TNIP3: variants seen among roughly 807,000 people sequenced by gnomAD.
TNIP3 encodes the protein TNFAIP3 interacting protein 3.
In TNIP3, 34 loss-of-function variants were observed where a neutral mutation model predicts 54.1. The observed-to-expected ratio is 0.63, with a 90% confidence interval of 0.48 to 0.84. The LOEUF is 0.84. Among genes scored for constraint, TNIP3 ranks in the 40% least tolerant of loss-of-function variants. The probability of loss-of-function intolerance (pLI) is 0.00; values close to 1 mark genes in which losing one functional copy is unlikely to be tolerated. For synonymous variants in TNIP3, 134 were observed against 136.8 expected, an observed-to-expected ratio of 0.98 and a Z score of 0.14; for missense variants, 366 against 387.6, an observed-to-expected ratio of 0.94 and a Z score of 0.47.
intron 1 of TNIP3, among the ~76,000 whole-genome samples, chr4:121,225,857 C>T (rs116228964): frequency 9.5e-4 from 145 of 152,174 alleles, no homozygotes; most frequent in African/African-American, 3.3e-3. Context: ...GGGAACTTTG[C>T]CTGTCTCTTC....
intron 5 of TNIP3, among the ~76,000 whole-genome samples, chr4:121,151,045 G>A (rs1729719841): frequency 6.6e-6 from 1 of 152,102 alleles, no homozygotes; most frequent in Admixed American, 6.5e-5. Flanking sequence ...CATTATGTTT[G>A]GTAATATCAT....
At position 121,144,451 on chromosome 4, in the gene TNIP3, G is replaced by T. The variant is rs150954110; in HGVS notation, c.736-1675C>A. 3.8e-3 allele frequency among the ~76,000 whole-genome samples: 578 copies of T among 152,216 alleles called. 4 individuals are homozygous for T. Among genetic ancestry groups the T allele is most frequent in the African/African-American group, 0.013 (557 of 41,544 alleles). On this transcript the variant is annotated intron_variant, in intron 7 of 10. Transcript: ENST00000057513. ...GAATCCCACTCTGTTGCCCAGACTG[G>T]AATGCAGTGGCCCAATCTCGGCTCA...
intron 2 of TNIP3, among the ~76,000 whole-genome samples, chr4:121,190,249 T>C (rs899019909): frequency 5.9e-5 from 9 of 152,212 alleles, no homozygotes; most frequent in Admixed American, 3.3e-4. Flanking sequence ...GCCTGGCGTG[T>C]TTACTCATAT....
chr4:121,173,352 G>C (rs1050770027), intron 3 of TNIP3, among the ~76,000 whole-genome samples: 5 of 152,150 alleles, frequency 3.3e-5, no homozygotes, highest in African/African-American at 1.2e-4. Context: ...CATGCCTAGA[G>C]ATTAATTTGC....
At position 121,157,143 on chromosome 4, in the gene TNIP3, T is replaced by C. The variant is rs1730158864; in HGVS notation, c.314A>G (p.Glu105Gly). 6.2e-7 allele frequency: 1 copy of C among 1,612,436 alleles called. No homozygotes were observed. Among genetic ancestry groups the C allele is most frequent in the African/African-American group, 1.4e-5 (1 of 73,920 alleles). The change falls in exon 4 of 11, where the codon GAG (glutamate) becomes GGG (glycine). Residue 105 changes from glutamate to glycine, a missense_variant. By Grantham distance (98) the Glu-to-Gly change is moderately conservative. Transcript: ENST00000057513. ...QRQRKDDRQR[E>G]DDRQRDLTRD... ...GGTCAGGTCGCGCTGCCTGTCGTCC[T>C]CTCTCTGCCTGTCGTCCTTTCTCTG...
chr4:121,203,380 ACAT>A (rs1429592214), intron 2 of TNIP3, among the ~76,000 whole-genome samples: 1 of 152,216 alleles, frequency 6.6e-6, no homozygotes, highest in Non-Finnish European at 1.5e-5. Context: ...GGAAAAACAA[ACAT>A]CATATGTTCT....
At position 121,150,091 on chromosome 4, in the gene TNIP3, C is replaced by A. The variant is rs761410047; in HGVS notation, c.609+12G>T. 2 of 1,585,616 alleles carry A rather than the reference C, an allele frequency of 1.3e-6. No homozygotes were observed. The highest frequency in any genetic ancestry group is 2.2e-5 in the South Asian group (2 of 89,896). On this transcript the variant is annotated intron_variant, in intron 6 of 10. Transcript: ENST00000057513. The stretch of plus-strand genomic sequence containing the variant: ...TGTTCTCCACAGGATCATGCCACTT[C>A]CAGCTTCTCACCTGCTGCTTCAGAA...
Position 121,149,646 on chromosome 4 carries a change from A to C in TNIP3, c.609+457T>G, listed in dbSNP as rs141317689. On this transcript the variant is annotated intron_variant, in intron 6 of 10. Coordinates refer to ENST00000057513, the MANE Select transcript of TNIP3 (RefSeq NM_024873.6). ...CTGGGCATTGTGGTGCATGCCTGTAATCCCAGCTACTCGGGAGGCTGAGGC... is the reference window on the plus strand; with the variant it reads ...CTGGGCATTGTGGTGCATGCCTGTACTCCCAGCTACTCGGGAGGCTGAGGC... Among the ~76,000 whole-genome samples, 600 of 152,274 alleles carry C rather than the reference A, an allele frequency of 3.9e-3. 5 individuals are homozygous for C. Among genetic ancestry groups the C allele is most frequent in the African/African-American group, 0.014 (578 of 41,568 alleles).
intron 4 of TNIP3, among the ~76,000 whole-genome samples, chr4:121,155,053 C>T (rs1041575077): frequency 2.0e-5 from 3 of 151,786 alleles, no homozygotes; most frequent in Non-Finnish European, 4.4e-5. Flanking sequence ...ACCTCCGCCT[C>T]CCAGGTTCAA....
At chr4:121,183,513 C>T (rs1359434286) in intron 2 of TNIP3, among the ~76,000 whole-genome samples, 1 of 152,160 alleles carries the variant, frequency 6.6e-6, no homozygotes, top group Non-Finnish European at 1.5e-5. Flanking sequence ...ACCAGGGGTC[C>T]CCAACCCCCA....
chr4:121,200,540 A>G (rs111751215), intron 2 of TNIP3, among the ~76,000 whole-genome samples: 1,678 of 152,224 alleles, frequency 0.011, 28 homozygotes, highest in African/African-American at 0.039. Flanking sequence ...CCCCGAGCAC[A>G]CATACCCTGA....
At chr4:121,154,448 G>C in intron 5 of TNIP3, 103 bp downstream of exon 5, 3 of 1,421,850 alleles carry the variant, frequency 2.1e-6, no homozygotes, top group Non-Finnish European at 2.9e-6. Context: ...AGCCTCCAAG[G>C]CTGGGACCCA....
Position 121,182,458 on chromosome 4 carries a change from G to A in TNIP3, c.189+218C>T, listed in dbSNP as rs13151913. Among the ~76,000 whole-genome samples the A allele has an allele frequency of 1.2e-4, 19 of 152,014 alleles. No homozygotes were observed. In the South Asian group the frequency reaches 3.7e-3, roughly 30 times the overall value. On this transcript the variant is annotated intron_variant, in intron 3 of 12. Transcript: ENST00000507879. ...GTCACAGCTGCCTGGACACTTTAAA[G>A]TGGAAAGTGCCAGCAAATTCTTCTG...
intron 2 of TNIP3, 50 bp from the exon 3 acceptor site, chr4:121,158,802 G>C (rs1730268312): frequency 6.8e-7 from 1 of 1,462,794 alleles, no homozygotes; most frequent in South Asian, 1.2e-5. Context: ...TGCCCATTTG[G>C]AAGTTTGGTC....
intron 10 of TNIP3, among the ~76,000 whole-genome samples, chr4:121,133,567 A>G (rs1728605962): frequency 1.3e-5 from 2 of 152,170 alleles, no homozygotes; most frequent in African/African-American, 4.8e-5. Context: ...TTTAAAATTA[A>G]CTCCTTTTCA....
intron 2 of TNIP3, among the ~76,000 whole-genome samples, chr4:121,195,279 TG>T (rs1465404586): frequency 6.6e-6 from 1 of 152,162 alleles, no homozygotes; most frequent in African/African-American, 2.4e-5. Context: ...TAATTTCAGA[TG>T]GGATTATAGA....
intron 3 of TNIP3, among the ~76,000 whole-genome samples, chr4:121,175,005 A>T (rs1724223248): frequency 6.6e-6 from 1 of 152,240 alleles, no homozygotes; most frequent in African/African-American, 2.4e-5. Flanking sequence ...AGATGTCCCT[A>T]GGAGACATCC....
chr4:121,212,234 A>T (rs2148847635), intron 2 of TNIP3, among the ~76,000 whole-genome samples: 1 of 152,324 alleles, frequency 6.6e-6, no homozygotes. Context: ...ATCTGTGTTT[A>T]TCCCATGGGC....
upstream of TNIP3, among the ~76,000 whole-genome samples, chr4:121,166,464 T>A (rs1051201382): frequency 6.6e-6 from 1 of 152,218 alleles, no homozygotes; most frequent in Non-Finnish European, 1.5e-5. Context: ...TTAGTCAAGC[T>A]TTGTTTCATG....
Sources: allele counts gnomAD v4.1 joint callset (sites outside exome capture counted in the v4.1 genomes callset), GRCh38; gene constraint gnomAD v4.1.1; transcripts MANE v1.5; gene names NCBI Gene and HGNC (gene_info 2026-07-23, HGNC 2026-07-21).